The following DEFB124 variants were observed in gnomAD, a reference collection of about 807,000 sequenced individuals.
DEFB124 encodes the protein defensin beta 124, also known as beta-defensin 124.
For missense variants in DEFB124, 78 were observed against 83.1 expected (o/e 0.94, Z 0.24); for synonymous variants, 38 against 36.5 (o/e 1.04, Z -0.15).
intron 2 of DEFB124, chr20:31,472,500 A>G (rs1322660626): frequency 6.5e-6 from 1 of 154,192 alleles, no homozygotes; most frequent in Non-Finnish European, 1.4e-5. Flanking sequence ...CTTATCAGAG[A>G]CCTTCTCTGT....
intron 2 of DEFB124, among the ~76,000 whole-genome samples, chr20:31,467,614 C>A (rs1438490802): frequency 6.6e-6 from 1 of 152,216 alleles, no homozygotes; most frequent in Admixed American, 6.5e-5. Context: ...ATTGCTGGAA[C>A]AACCAGGACC....
At chr20:31,471,520 G>T (rs1489845886) in intron 2 of DEFB124, among the ~76,000 whole-genome samples, 1 of 147,148 alleles carries the variant, frequency 6.8e-6, no homozygotes, top group Non-Finnish European at 1.5e-5. Context: ...TCCCGGACGG[G>T]GCGGCTGGCC....
chr20:31,466,593 C>T (rs543790153), intron 2 of DEFB124, among the ~76,000 whole-genome samples: 4 of 83,382 alleles, frequency 4.8e-5, no homozygotes, highest in African/African-American at 4.5e-4. Context: ...AACTAAGACT[C>T]CATCTCAAAA....
chr20:31,469,185 G>A (rs1361438480), intron 2 of DEFB124, among the ~76,000 whole-genome samples: 1 of 152,142 alleles, frequency 6.6e-6, no homozygotes, highest in Non-Finnish European at 1.5e-5. Context: ...CAATTTGGGA[G>A]GCCGGGGTGG....
chr20:31,472,640 C>T (rs763524731), intron 2 of DEFB124: 3 of 315,546 alleles, frequency 9.5e-6, no homozygotes, highest in Non-Finnish European at 1.8e-5. Flanking sequence ...TCTATCTCCA[C>T]CAACTAAAGT....
rs34150499 is a variant in DEFB124, at chr20:31,472,917, G to GCACACACACACACA, written c.58+25_58+38dup. On this transcript the variant is annotated intron_variant, in intron 2 of 2. Coordinates refer to ENST00000317676, the MANE Select transcript of DEFB124 (RefSeq NM_001037500.2). ...TCCTCATTTTTACAAGCACACATGT[G>GCACACACACACACA]CACACACACACACACACACATGCAC... The GCACACACACACACA allele has an allele frequency of 1.0e-5, 16 of 1,524,344 alleles. No individual in the cohort carries two copies. In the African/African-American group the frequency reaches 1.9e-4, roughly 18 times the overall value. 94.4% of individuals were successfully genotyped at this position (1,524,344 alleles called of 1,614,324 possible). A position where few individuals can be genotyped will look rare whatever the true frequency, so the allele number is the denominator to read the frequency against.
rs1980063205 is a variant in DEFB124, at chr20:31,465,599, T to C, written c.123A>G (p.Gln41=). ...QGACQTYCTR[Q]ETYMHLCPDA... ...CCGGGCACAGGTGCATGTAAGTTTCTTGCCTTGTGCAGTAAGTTTGGCAGG... is the reference window on the plus strand; with the variant it reads ...CCGGGCACAGGTGCATGTAAGTTTCCTGCCTTGTGCAGTAAGTTTGGCAGG... The change falls in exon 3 of 3, where the codon CAA becomes CAG. Residue 41 remains glutamine (Q), a synonymous_variant. Coordinates refer to ENST00000317676, the MANE Select transcript of DEFB124 (RefSeq NM_001037500.2). 4 of 1,614,108 alleles carry C rather than the reference T, an allele frequency of 2.5e-6. No individual in the cohort carries two copies. Among genetic ancestry groups the C allele is most frequent in the South Asian group, 1.1e-5 (1 of 91,088 alleles).
chr20:31,468,760 C>A (rs1980147417), intron 2 of DEFB124, among the ~76,000 whole-genome samples: 1 of 151,872 alleles, frequency 6.6e-6, no homozygotes, highest in African/African-American at 2.4e-5. Flanking sequence ...CAGGCGTGAG[C>A]CACCGCGCCC....
At chr20:31,466,049 C>T (rs113025568) in intron 2 of DEFB124, among the ~76,000 whole-genome samples, 2,432 of 151,940 alleles carry the variant, frequency 0.016, 45 homozygotes, top group African/African-American at 0.056. Context: ...CCCAGCTACA[C>T]GGGAGACTGA....
chr20:31,472,079 T>C (rs1373252338), intron 2 of DEFB124, among the ~76,000 whole-genome samples: 11 of 151,698 alleles, frequency 7.3e-5, no homozygotes, highest in Admixed American at 1.3e-4. Context: ...TGTAGCGAGC[T>C]GAGATCACGC....
intron 2 of DEFB124, among the ~76,000 whole-genome samples, chr20:31,471,178 C>T (rs1354596276): frequency 7.5e-6 from 1 of 133,168 alleles, no homozygotes; most frequent in Non-Finnish European, 1.6e-5. Flanking sequence ...GCTGGCTGGG[C>T]GGGGGGCTGA....
In DEFB124 at chr20:31,465,511, C is replaced by T. The variant is rs143786425; in HGVS notation, c.211G>A (p.Glu71Lys). 1,519 of 1,614,110 alleles carry T rather than the reference C, an allele frequency of 9.4e-4. 10 individuals carry two copies. The highest frequency in any genetic ancestry group is 2.0e-3 in the South Asian group (181 of 91,060). Residue 71 changes from glutamate to lysine, a missense_variant, in exon 3 of 3, where the codon GAG (glutamate) becomes AAG (lysine). Physicochemically the swap from Glu to Lys is moderately conservative, Grantham distance 56. Coordinates refer to ENST00000317676, the MANE Select transcript of DEFB124 (RefSeq NM_001037500.2). ...KPPPVPKHEYE is the reference protein window; with the variant it reads ...KPPPVPKHEYK ...TATTGGACAGCAGGAACCAGCTACT[C>T]ATATTCATGCTTGGGGACCGGTGGA...
chr20:31,469,367 G>A (rs1980165766), intron 2 of DEFB124, among the ~76,000 whole-genome samples: 1 of 152,170 alleles, frequency 6.6e-6, no homozygotes, highest in Non-Finnish European at 1.5e-5. Flanking sequence ...AGGTTGCAGT[G>A]AGCTGAGATC....
intron 2 of DEFB124, among the ~76,000 whole-genome samples, chr20:31,467,188 G>A (rs955395612): frequency 1.3e-5 from 2 of 152,192 alleles, no homozygotes; most frequent in Non-Finnish European, 2.9e-5. Context: ...GGAGGTGGAG[G>A]GGAAAGGCTT....
At chr20:31,473,162 A>T in intron 1 of DEFB124, 124 bp from the exon 2 acceptor site, 1 of 784,378 alleles carries the variant, frequency 1.3e-6, no homozygotes, top group Non-Finnish European at 2.0e-6. Flanking sequence ...GTATGAGGCC[A>T]TGTGGTCCCC....
chr20:31,470,947 A>C (rs1217976608), intron 2 of DEFB124, among the ~76,000 whole-genome samples: 1 of 124,978 alleles, frequency 8.0e-6, no homozygotes, highest in Admixed American at 8.1e-5. Flanking sequence ...ACTTCCCAGT[A>C]GGGGCGGCTG....
chr20:31,468,164 C>G (rs1460501371), intron 2 of DEFB124, among the ~76,000 whole-genome samples: 1 of 152,214 alleles, frequency 6.6e-6, no homozygotes, highest in Non-Finnish European at 1.5e-5. Flanking sequence ...ATCTTTGACT[C>G]TGTCTCCCAC....
rs551632034 is a variant in DEFB124 at position 31,474,837 on chromosome 20, T to C, written c.-236A>G. On this transcript the variant is annotated 5_prime_UTR_variant, in exon 1 of 3. Transcript: ENST00000317676. ...ATTCTTCATCCAGAGCAGAGTTTCT[T>C]AAAGTGAGGTCAGTGAACCGCCTGC... Among the ~76,000 whole-genome samples the C allele has an allele frequency of 3.0e-3, 453 of 152,306 alleles. No homozygotes were observed. The highest frequency in any genetic ancestry group is 5.3e-3 in the Non-Finnish European group (363 of 68,024).
Position 31,470,989 on chromosome 20 carries a change from C to T in DEFB124, c.58+1967G>A, listed in dbSNP as rs1469237195. ...AGCGCCCCTCACTTCCCGGACGGGG[C>T]GGCTGGCCGGGCAGGGGGCTGACCT... On this transcript the variant is annotated intron_variant, in intron 2 of 2. Coordinates refer to ENST00000317676, the MANE Select transcript of DEFB124 (RefSeq NM_001037500.2). 2.1e-5 allele frequency among the ~76,000 whole-genome samples: 3 copies of T among 139,902 alleles called. No individual in the cohort carries two copies. The South Asian group carries it at 6.8e-4, about 32-fold the overall frequency. 91.8% of individuals were successfully genotyped at this position (139,902 alleles called of 152,430 possible). A position where few individuals can be genotyped will look rare whatever the true frequency, so the allele number is the denominator to read the frequency against.
Sources: gnomAD v4.1 joint callset for allele counts (sites outside exome capture counted in the v4.1 genomes callset) on GRCh38, gnomAD v4.1.1 for gene constraint, MANE v1.5 for transcripts, NCBI Gene and HGNC (gene_info 2026-07-23, HGNC 2026-07-21) for gene names.